RNF13: variants seen among roughly 807,000 people sequenced by gnomAD.
RNF13 encodes E3 ubiquitin-protein ligase RNF13.
Under a neutral mutation model 37.7 loss-of-function variants are expected in RNF13, and 19 were observed. That is an observed-to-expected ratio of 0.50 (90% CI 0.35 to 0.74). The LOEUF (loss-of-function observed/expected upper bound fraction) is 0.74, where lower values mean the gene tolerates loss of function less well. Ranked by LOEUF, RNF13 falls within the 30% of genes least tolerant of loss-of-function variation. The pLI is 0.01. For missense variants in RNF13, 375 were observed against 453.0 expected, an observed-to-expected ratio of 0.83 and a Z score of 1.56; for synonymous variants, 144 against 157.8, an observed-to-expected ratio of 0.91 and a Z score of 0.65.
chr3:149,876,825 C>T (rs1245616577), intron 4 of RNF13, among the ~76,000 whole-genome samples: 2 of 131,484 alleles, frequency 1.5e-5, no homozygotes, highest in Non-Finnish European at 3.1e-5. Context: ...GTTGCCCAGG[C>T]TGGAGTGCAG....
chr3:149,948,012 C>T lies in RNF13; in HGVS notation c.701-12044C>T, dbSNP rs148589140. 9.6e-3 allele frequency among the ~76,000 whole-genome samples: 1,458 copies of T among 152,164 alleles called. 20 individuals are homozygous for T. Among genetic ancestry groups the T allele is most frequent in the Admixed American group, 0.023 (356 of 15,288 alleles). On this transcript the variant is annotated intron_variant, in intron 8 of 9. Transcript: ENST00000392894. Reference sequence around the variant, plus strand: ...TCACCCAGGCAGGAGTGCAGTGGCGCGATCTCGGCTCACTGTAACCTCCAC... The same window carrying T: ...TCACCCAGGCAGGAGTGCAGTGGCGTGATCTCGGCTCACTGTAACCTCCAC...
intron 3 of RNF13, among the ~76,000 whole-genome samples, chr3:149,861,215 AAACTT>A (rs1475944248): frequency 6.4e-4 from 98 of 152,136 alleles, no homozygotes; most frequent in African/African-American, 2.3e-3. Context: ...TTAAAAAAAA[AAACTT>A]AAAAGGGGGT....
intron 4 of RNF13, among the ~76,000 whole-genome samples, chr3:149,882,137 AGTCTGTTGAAGCAT>A (rs1482143126): frequency 6.6e-6 from 1 of 152,122 alleles, no homozygotes; most frequent in African/African-American, 2.4e-5. Context: ...GAAAAACTAT[AGTCTGTTGAAGCAT>A]GTTCATGATG....
chr3:149,941,407 TG>T, intron 8 of RNF13, among the ~76,000 whole-genome samples: 1 of 152,228 alleles, frequency 6.6e-6, no homozygotes. Context: ...GATATCTCAT[TG>T]TTTTGATTTG....
At chr3:149,939,287 A>C (rs537858093) in intron 8 of RNF13, 20 of 470,484 alleles carry the variant, frequency 4.3e-5, no homozygotes, top group African/African-American at 3.7e-4. Context: ...CATCAAAATC[A>C]TCATCATCGT....
At chr3:149,945,050 C>T (rs1274722303) in intron 8 of RNF13, among the ~76,000 whole-genome samples, 1 of 152,158 alleles carries the variant, frequency 6.6e-6, no homozygotes, top group Non-Finnish European at 1.5e-5. Flanking sequence ...TTCCCAGCAC[C>T]ATTTATTAAA....
chr3:149,846,307 T>G (rs1722637082), intron 2 of RNF13, among the ~76,000 whole-genome samples, 167 bp downstream of exon 2: 1 of 152,126 alleles, frequency 6.6e-6, no homozygotes, highest in Non-Finnish European at 1.5e-5. Context: ...ATTCATTTGT[T>G]TATTTATTTT....
intron 6 of RNF13, 62 bp downstream of exon 6, chr3:149,902,224 A>T: frequency 1.3e-6 from 1 of 742,168 alleles, no homozygotes; most frequent in East Asian, 3.2e-5. Flanking sequence ...AGGTAGAATT[A>T]TATAATATTG....
At chr3:149,951,139 C>T (rs1401258742) in intron 8 of RNF13, among the ~76,000 whole-genome samples, 1 of 152,134 alleles carries the variant, frequency 6.6e-6, no homozygotes, top group East Asian at 1.9e-4. Context: ...AACTCTCAGA[C>T]TTGTCCACAC....
At chr3:149,909,209 G>A (rs1716728582) in intron 6 of RNF13, among the ~76,000 whole-genome samples, 1 of 151,722 alleles carries the variant, frequency 6.6e-6, no homozygotes, top group African/African-American at 2.4e-5. Flanking sequence ...TCCACTGTTA[G>A]CAATTTGGTT....
intron 6 of RNF13, among the ~76,000 whole-genome samples, chr3:149,909,155 A>G (rs1716724923): frequency 6.6e-6 from 1 of 152,202 alleles, no homozygotes; most frequent in South Asian, 2.1e-4. Context: ...CTGAAATTCC[A>G]TTGTAGTTCT....
In RNF13 at chr3:149,819,148, T is replaced by C. The variant is rs111944595; in HGVS notation, c.-17+5795T>C. ...CCAGTTAAAATCTGTTTTTACGACT[T>C]CTTGTAAAATATCTCTTGCACTAAT... On this transcript the variant is annotated intron_variant, in intron 1 of 9. Transcript: ENST00000392894. Among the ~76,000 whole-genome samples, 117 of 152,342 alleles carry C rather than the reference T, an allele frequency of 7.7e-4. 1 individual carries two copies. Among genetic ancestry groups the C allele is most frequent in the African/African-American group, 2.7e-3 (114 of 41,582 alleles).
intron 2 of RNF13, among the ~76,000 whole-genome samples, chr3:149,852,160 C>T (rs943394832): frequency 6.6e-6 from 1 of 152,068 alleles, no homozygotes; most frequent in African/African-American, 2.4e-5. Context: ...GTAAATCAGA[C>T]CTTTATAATA....
At chr3:149,875,969 CGA>C (rs1331686401) in intron 4 of RNF13, among the ~76,000 whole-genome samples, 3 of 6,810 alleles carry the variant, frequency 4.4e-4, no homozygotes, top group African/African-American at 2.8e-3. Flanking sequence ...GTGAGAAATA[CGA>C]CTTTAAAAAA....
intron 5 of RNF13, among the ~76,000 whole-genome samples, chr3:149,901,209 C>A (rs1392929099): frequency 6.6e-6 from 1 of 152,012 alleles, no homozygotes; most frequent in Admixed American, 6.6e-5. Context: ...CTTGCCTCCC[C>A]CCCTTTTAAA....
intron 1 of RNF13, among the ~76,000 whole-genome samples, chr3:149,841,506 A>T (rs949825169): frequency 6.6e-5 from 10 of 152,234 alleles, no homozygotes; most frequent in African/African-American, 2.4e-4. Flanking sequence ...TAACATGTGA[A>T]TGAAGATATA....
chr3:149,940,931 A>G (rs1720193336), intron 8 of RNF13, among the ~76,000 whole-genome samples: 1 of 152,110 alleles, frequency 6.6e-6, no homozygotes, highest in African/African-American at 2.4e-5. Flanking sequence ...ACTTCATATG[A>G]GTGGACTGAT....
At chr3:149,825,746 A>G (rs1315260764) in intron 1 of RNF13, among the ~76,000 whole-genome samples, 3 of 152,218 alleles carry the variant, frequency 2.0e-5, no homozygotes, top group Non-Finnish European at 4.4e-5. Flanking sequence ...TTATAGTTTA[A>G]TAATTCCTTT....
At chr3:149,874,146 TCTTTAA>T (rs1466651776) in intron 4 of RNF13, among the ~76,000 whole-genome samples, 1 of 152,190 alleles carries the variant, frequency 6.6e-6, no homozygotes, top group Non-Finnish European at 1.5e-5. Flanking sequence ...TTGTACATGT[TCTTTAA>T]CTTGGTTATT....
Sources: gnomAD v4.1 joint callset for allele counts (sites outside exome capture counted in the v4.1 genomes callset) on GRCh38, gnomAD v4.1.1 for gene constraint, MANE v1.5 for transcripts, NCBI Gene and HGNC (gene_info 2026-07-23, HGNC 2026-07-21) for gene names.